The following PLPPR4 variants were observed in gnomAD, a reference collection of about 807,000 sequenced individuals.
The protein encoded by PLPPR4 is phospholipid phosphatase related 4.
Under a neutral mutation model 56.6 loss-of-function variants are expected in PLPPR4, and 24 were observed. The observed-to-expected ratio is 0.42, with a 90% CI of 0.31 to 0.60. The LOEUF (loss-of-function observed/expected upper bound fraction) is 0.60, where lower values mean the gene tolerates loss of function less well. PLPPR4 is among the 20% of genes least tolerant of loss of function. PLPPR4 has a pLI of 0.13. For synonymous variants in PLPPR4, 326 were observed against 328.1 expected, an observed-to-expected ratio of 0.99 and a Z score of 0.07; for missense variants, 654 against 885.8, an observed-to-expected ratio of 0.74 and a Z score of 3.32.
chr1:99,297,414 G>A (rs1015608295), intron 3 of PLPPR4, among the ~76,000 whole-genome samples: 1 of 152,082 alleles, frequency 6.6e-6, no homozygotes, highest in Admixed American at 6.6e-5. Context: ...CTGGCTACCA[G>A]CATCTGAATC....
chr1:99,290,100 G>A (rs556442687), intron 2 of PLPPR4, among the ~76,000 whole-genome samples: 1 of 152,062 alleles, frequency 6.6e-6, no homozygotes, highest in African/African-American at 2.4e-5. Flanking sequence ...AAAGGCTCAG[G>A]ATACAAAACT....
chr1:99,277,467 G>C (rs983182390), intron 1 of PLPPR4, among the ~76,000 whole-genome samples: 7 of 152,172 alleles, frequency 4.6e-5, no homozygotes, highest in African/African-American at 1.4e-4. Flanking sequence ...TCTTCAATTA[G>C]GGTATGGACA....
At position 99,309,124 on chromosome 1, in the gene PLPPR4, C is replaced by A. The variant is rs892499687; in HGVS notation, c.*2114C>A. ...TTTTTAATGACTTAACAAATTGTAC[C>A]ACATTGTTAAGGACATATAATGATA... On this transcript the variant is annotated 3_prime_UTR_variant, in exon 7 of 7. Transcript: ENST00000370185. The A allele has an allele frequency of 9.8e-5, 15 of 152,340 alleles. No individual in the cohort carries two copies. The highest frequency in any genetic ancestry group is 3.6e-4 in the African/African-American group (15 of 41,366). The allele number at this position is 152,340 out of a possible 1,614,324, so 9.4% of individuals were successfully genotyped here.
chr1:99,271,941 T>TGA (rs1303364480), intron 1 of PLPPR4, among the ~76,000 whole-genome samples: 19 of 139,038 alleles, frequency 1.4e-4, no homozygotes, highest in African/African-American at 3.6e-4. Context: ...TGTGTGTGTG[T>TGA]GTGATGGAGA....
At chr1:99,288,249 C>T (rs547239360) in intron 2 of PLPPR4, 99 bp downstream of exon 2, 44 of 976,664 alleles carry the variant, frequency 4.5e-5, no homozygotes, top group African/African-American at 4.4e-4. Context: ...AACGTGAACT[C>T]TAAATCCTAA....
chr1:99,306,889 G>A lies in PLPPR4; in HGVS notation c.2027G>A (p.Arg676His). The change falls in exon 7 of 7, where the codon CGC becomes CAC. Residue 676 changes from arginine (R) to histidine (H), a missense_variant. Physicochemically the swap from Arg to His is conservative, Grantham distance 29. Transcript: ENST00000370185. The surrounding 1 kb of genome is among the most constrained non-coding windows in gnomAD (Gnocchi z 4.0). ...GAGACGCTGTCCATTTCTTCTTCCC[G>A]CGACTCCACCCTGCGGAGAAAGGGC... Reference protein sequence around the residue: ...GSETLSISSSRDSTLRRKGNI... With the variant: ...GSETLSISSSHDSTLRRKGNI... 2 of 1,614,088 alleles carry A rather than the reference G, an allele frequency of 1.2e-6. No individual in the cohort carries two copies. Among genetic ancestry groups the A allele is most frequent in the Non-Finnish European group, 1.7e-6 (2 of 1,180,018 alleles).
Position 99,264,639 on chromosome 1 carries a change from G to C in PLPPR4, c.46G>C (p.Val16Leu). The C allele has an allele frequency of 1.3e-6, 2 of 1,550,680 alleles. No homozygotes were observed. Among genetic ancestry groups the C allele is most frequent in the Non-Finnish European group, 1.7e-6 (2 of 1,146,992 alleles). ...AAAGGGCAAAGTGATCAAGGACAGC[G>C]TCACCCTCCTGCCCTGCTTTTATTT... ...RPKGKVIKDS[V>L]TLLPCFYFVE... is the part of the protein sequence containing the mutation. The change falls in exon 1 of 7, where the codon GTC becomes CTC. Residue 16 changes from valine (V) to leucine (L), a missense_variant. Transcript: ENST00000370185.
intron 2 of PLPPR4, among the ~76,000 whole-genome samples, chr1:99,296,438 G>A (rs988631707): frequency 2.0e-5 from 3 of 152,046 alleles, no homozygotes; most frequent in African/African-American, 7.2e-5. Context: ...TACTTTCCAT[G>A]GATTGATCCT....
chr1:99,278,258 A>C (rs570773771), intron 1 of PLPPR4, among the ~76,000 whole-genome samples: 1 of 152,244 alleles, frequency 6.6e-6, no homozygotes, highest in South Asian at 2.1e-4. Context: ...AACCTTATAC[A>C]AATCATGGAA....
intron 1 of PLPPR4, 134 bp from the exon 2 acceptor site, chr1:99,287,831 A>G (rs557967437): frequency 1.9e-4 from 128 of 671,058 alleles, no homozygotes; most frequent in Non-Finnish European, 2.9e-4. Context: ...GGTAGAAGTA[A>G]TAGAACTTAT....
At chr1:99,291,602 A>C (rs1168738572) in intron 2 of PLPPR4, among the ~76,000 whole-genome samples, 1 of 152,186 alleles carries the variant, frequency 6.6e-6, no homozygotes, top group African/African-American at 2.4e-5. Flanking sequence ...GCCATAAAAA[A>C]ATGAAATCAT....
At chr1:99,284,347 A>G (rs77538684) in intron 1 of PLPPR4, among the ~76,000 whole-genome samples, 5,874 of 152,288 alleles carry the variant, frequency 0.039, 193 homozygotes, top group East Asian at 0.17. Context: ...CCAAAATATA[A>G]TGAATATAAT....
chr1:99,279,706 C>T (rs912164943), intron 1 of PLPPR4, among the ~76,000 whole-genome samples: 10 of 152,162 alleles, frequency 6.6e-5, no homozygotes, highest in Non-Finnish European at 1.0e-4. Context: ...CAGCAGGATA[C>T]ACGGCGGTGC....
intron 1 of PLPPR4, among the ~76,000 whole-genome samples, chr1:99,278,230 C>T (rs1659240736): frequency 1.3e-5 from 2 of 152,056 alleles, no homozygotes; most frequent in African/African-American, 4.8e-5. Flanking sequence ...AGTTTGTAAT[C>T]CAGCTAACAA....
At chr1:99,274,950 T>C (rs1452572080) in intron 1 of PLPPR4, among the ~76,000 whole-genome samples, 1 of 152,182 alleles carries the variant, frequency 6.6e-6, no homozygotes, top group East Asian at 1.9e-4. Flanking sequence ...AAATGATGAA[T>C]AAATTAGATT....
chr1:99,307,074 T>C lies in PLPPR4; in HGVS notation c.*64T>C. 6.6e-7 allele frequency: 1 copy of C among 1,513,850 alleles called. No homozygotes were observed. Among genetic ancestry groups the C allele is most frequent in the African/African-American group, 1.4e-5 (1 of 72,266 alleles). 93.8% of individuals were successfully genotyped at this position (1,513,850 alleles called of 1,614,324 possible). ...CCATATGTTGATTCTACCTGTGTTCTGTTCCAGCGAATTGGGAAGTCTCAC... is the reference window on the plus strand; with the variant it reads ...CCATATGTTGATTCTACCTGTGTTCCGTTCCAGCGAATTGGGAAGTCTCAC... On this transcript the variant is annotated 3_prime_UTR_variant, in exon 7 of 7. Transcript: ENST00000370185.
chr1:99,286,116 C>T (rs1272502832), intron 1 of PLPPR4, among the ~76,000 whole-genome samples: 1 of 152,132 alleles, frequency 6.6e-6, no homozygotes, highest in Non-Finnish European at 1.5e-5. Flanking sequence ...ATAGATGAGA[C>T]CCAGTGAAGT....
chr1:99,264,695 A>G, intron 1 of PLPPR4, 24 bp downstream of exon 1: 2 of 1,548,510 alleles, frequency 1.3e-6, no homozygotes, highest in Non-Finnish European at 1.7e-6. Flanking sequence ...GTGCCTTGGC[A>G]TAATGCAGAT....
intron 1 of PLPPR4, among the ~76,000 whole-genome samples, chr1:99,276,099 C>A (rs766904839): frequency 6.6e-6 from 1 of 152,130 alleles, no homozygotes; most frequent in African/African-American, 2.4e-5. Flanking sequence ...TTTACATACA[C>A]CAAGCCTTTT....
Sources: allele counts gnomAD v4.1 joint callset (sites outside exome capture counted in the v4.1 genomes callset), GRCh38; gene constraint gnomAD v4.1.1; non-coding constraint Gnocchi (gnomAD v3.1); transcripts MANE v1.5; gene names NCBI Gene and HGNC (gene_info 2026-07-23, HGNC 2026-07-21).